DOCK1: variants seen among roughly 807,000 people sequenced by gnomAD.
DOCK1 encodes dedicator of cytokinesis protein 1.
DOCK1 carries 138 observed loss-of-function variants against 262.7 expected under a neutral mutation model. That is an observed-to-expected ratio of 0.53 (90% CI 0.46 to 0.61). DOCK1 has a LOEUF of 0.61. Among genes scored for constraint, DOCK1 ranks in the 20% least tolerant of loss-of-function variants. DOCK1 has a pLI of 0.00. For missense variants in DOCK1, 1,908 were observed against 2,370.7 expected, an observed-to-expected ratio of 0.80 and a Z score of 4.05; for synonymous variants, 866 against 867.4, an observed-to-expected ratio of 1.00 and a Z score of 0.03.
chr10:126,982,339 C>CCCCTTTTTTT (rs1362583595), intron 4 of DOCK1, among the ~76,000 whole-genome samples: 1 of 152,034 alleles, frequency 6.6e-6, no homozygotes, highest in African/African-American at 2.4e-5. Context: ...ACATTGCAGG[C>CCCCTTTTTTT]TGTGATATAA....
At position 127,000,225 on chromosome 10, in the gene DOCK1, T is replaced by C. The variant is rs1000430740; in HGVS notation, c.903T>C (p.Ile301=). ...KREKISFVCQ[I]VRVGRMELRD... ...AGAAAATCAGTTTTGTCTGTCAGAT[T>C]GTTCGCGTGGGTCGCATGGAGCTGA... Residue 301 remains isoleucine (I), a synonymous_variant, in exon 10 of 52, where the codon ATT becomes ATC. Coordinates refer to ENST00000623213, the MANE Select transcript of DOCK1 (RefSeq NM_001290223.2). The C allele has an allele frequency of 6.2e-7, 1 of 1,614,032 alleles. No individual in the cohort carries two copies. Among genetic ancestry groups the C allele is most frequent in the Admixed American group, 1.7e-5 (1 of 60,032 alleles).
chr10:126,987,812 A>T (rs1779321556), intron 5 of DOCK1, among the ~76,000 whole-genome samples, 195 bp downstream of exon 5: 1 of 152,136 alleles, frequency 6.6e-6, no homozygotes, highest in South Asian at 2.1e-4. Context: ...GTGCCCTTCG[A>T]CCTGCCATGT....
At position 127,024,883 on chromosome 10, in the gene DOCK1, C is replaced by T. The variant is rs2042718815; in HGVS notation, c.1551+100C>T. On this transcript the variant is annotated intron_variant, in intron 15 of 51. Coordinates refer to ENST00000623213, the MANE Select transcript of DOCK1 (RefSeq NM_001290223.2). ...AACATCCTCCTCAGCCCGGGAGCTG[C>T]TCCAGGCAGGCAGAGTGTCTCCCAA... 3 of 1,039,628 alleles carry T rather than the reference C, an allele frequency of 2.9e-6. No homozygotes were observed. The East Asian group carries it at 8.1e-5, about 28-fold the overall frequency. 64.4% of individuals were successfully genotyped at this position (1,039,628 alleles called of 1,614,324 possible).
In DOCK1 at chr10:127,175,993, G is replaced by T; in HGVS notation, c.2847+48229G>T. 2.5e-6 allele frequency: 4 copies of T among 1,614,196 alleles called. No homozygotes were observed. The highest frequency in any genetic ancestry group is 3.4e-6 in the Non-Finnish European group (4 of 1,180,036). On this transcript the variant is annotated intron_variant, in intron 27 of 51. Coordinates refer to ENST00000623213, the MANE Select transcript of DOCK1 (RefSeq NM_001290223.2). The surrounding 1 kb of genome is among the most constrained non-coding windows in gnomAD (Gnocchi z 6.3). ...AACCCATTGTTTTGGCTTTTAAAGG[G>T]ATCTGCAGCTGGGAGGCTTTTGAGG...
At chr10:126,983,023 G>A (rs2039092245) in intron 4 of DOCK1, among the ~76,000 whole-genome samples, 4 of 152,194 alleles carry the variant, frequency 2.6e-5, no homozygotes, top group Admixed American at 2.6e-4. Flanking sequence ...TGAACAACAG[G>A]TTATTCTGAG....
At chr10:126,948,884 G>T (rs1051513319) in intron 1 of DOCK1, among the ~76,000 whole-genome samples, 1 of 152,072 alleles carries the variant, frequency 6.6e-6, no homozygotes, top group East Asian at 1.9e-4. Flanking sequence ...CCTGGCCCAG[G>T]GTAGTACTGG....
At chr10:127,339,695 T>TTGTGTGTGTGTGTGTGTGTG (rs112206811) in intron 30 of DOCK1, among the ~76,000 whole-genome samples, 3 of 109,742 alleles carry the variant, frequency 2.7e-5, no homozygotes, top group African/African-American at 1.0e-4. Flanking sequence ...CTGGCCTGAT[T>TTGTGTGTGTGTGTGTGTGTG]TGTGTGTGTG....
intron 31 of DOCK1, among the ~76,000 whole-genome samples, chr10:127,347,217 A>G (rs1198203755): frequency 6.6e-6 from 1 of 152,238 alleles, no homozygotes; most frequent in Non-Finnish European, 1.5e-5. Flanking sequence ...TTGTCCGCAT[A>G]AAAGGGATTC....
At chr10:127,191,614 T>C (rs1415560648) in intron 27 of DOCK1, among the ~76,000 whole-genome samples, 1 of 152,106 alleles carries the variant, frequency 6.6e-6, no homozygotes, top group Non-Finnish European at 1.5e-5. Context: ...CATTGACAAA[T>C]ACAAGATCCT....
chr10:127,316,140 T>C (rs1462611101), intron 29 of DOCK1, among the ~76,000 whole-genome samples: 5 of 152,362 alleles, frequency 3.3e-5, no homozygotes, highest in South Asian at 2.1e-4. Flanking sequence ...CTCACATAGT[T>C]ACCTTTCAGT....
Position 127,362,310 on chromosome 10 carries a change from G to T in DOCK1, c.3432+98G>T, listed in dbSNP as rs966235312. The T allele has an allele frequency of 2.0e-5, 27 of 1,327,396 alleles. No homozygotes were observed. In the African/African-American group the frequency reaches 3.8e-4, roughly 19 times the overall value. 82.2% of individuals were successfully genotyped at this position (1,327,396 alleles called of 1,614,324 possible). A position where few individuals can be genotyped will look rare whatever the true frequency, so the allele number is the denominator to read the frequency against. On this transcript the variant is annotated intron_variant, in intron 33 of 51. Coordinates refer to ENST00000623213, the MANE Select transcript of DOCK1 (RefSeq NM_001290223.2). ...TGTAGACAGTTCTAGAGTTAAAGGT[G>T]CCAACGTGGAAAACACATTTTCCTA... is the stretch of plus-strand genomic sequence containing the variant.
chr10:127,288,143 TC>T (rs2061225849), intron 29 of DOCK1, among the ~76,000 whole-genome samples: 1 of 152,222 alleles, frequency 6.6e-6, no homozygotes, highest in Non-Finnish European at 1.5e-5. Context: ...TCATGAATTT[TC>T]ATGTGTCTAA....
At chr10:127,203,442 G>T (rs192500092) in intron 27 of DOCK1, among the ~76,000 whole-genome samples, 1 of 152,210 alleles carries the variant, frequency 6.6e-6, no homozygotes, top group Admixed American at 6.5e-5. Flanking sequence ...AAGAATTGAC[G>T]ACCTGACTTT....
chr10:127,332,556 C>T (rs2135678525), intron 29 of DOCK1, among the ~76,000 whole-genome samples: 1 of 152,268 alleles, frequency 6.6e-6, no homozygotes, highest in African/African-American at 2.4e-5. Flanking sequence ...ATCCCCGTCT[C>T]TCACGGTCTG....
chr10:127,354,798 C>G (rs2064059590), intron 32 of DOCK1, 71 bp downstream of exon 32: 7 of 1,585,266 alleles, frequency 4.4e-6, no homozygotes, highest in East Asian at 4.5e-5. Context: ...TGGCCGTGTT[C>G]ATCAGTGTTG....
intron 31 of DOCK1, among the ~76,000 whole-genome samples, chr10:127,348,682 G>A (rs530971821): frequency 2.6e-5 from 4 of 152,056 alleles, no homozygotes; most frequent in Non-Finnish European, 4.4e-5. Context: ...AATTATAGAA[G>A]TCTGCAGTGT....
At chr10:127,402,427 C>T (rs536154200) in intron 38 of DOCK1, among the ~76,000 whole-genome samples, 41 of 152,278 alleles carry the variant, frequency 2.7e-4, no homozygotes, top group African/African-American at 3.6e-4. Flanking sequence ...GTGTCAAAAG[C>T]TTATCAACAT....
intron 38 of DOCK1, among the ~76,000 whole-genome samples, chr10:127,388,807 G>T (rs2066288939): frequency 6.6e-6 from 1 of 152,188 alleles, no homozygotes; most frequent in Non-Finnish European, 1.5e-5. Flanking sequence ...GGGTGGAGAA[G>T]TGCACTTAGG....
chr10:126,999,294 G>A (rs2040419854), intron 8 of DOCK1, 60 bp from the exon 9 acceptor site: 5 of 1,318,850 alleles, frequency 3.8e-6, no homozygotes, highest in Admixed American at 1.8e-5. Flanking sequence ...CAATGTGGAT[G>A]TACATTTGGT....
Sources: allele counts gnomAD v4.1 joint callset (sites outside exome capture counted in the v4.1 genomes callset), GRCh38; gene constraint gnomAD v4.1.1; non-coding constraint Gnocchi (gnomAD v3.1); transcripts MANE v1.5; gene names NCBI Gene and HGNC (gene_info 2026-07-23, HGNC 2026-07-21).